The following ABHD12 variants were observed in gnomAD, a reference collection of about 807,000 sequenced individuals.
The protein encoded by ABHD12 is abhydrolase domain containing 12, lysophospholipase.
In ABHD12, 43 loss-of-function variants were observed where a neutral mutation model predicts 58.3. The observed-to-expected ratio is 0.74, with a 90% CI of 0.58 to 0.95. The LOEUF (loss-of-function observed/expected upper bound fraction) is 0.95. Among genes scored for constraint, ABHD12 ranks in the 40% least tolerant of loss-of-function variants. ABHD12 has a pLI of 0.00. For missense variants in ABHD12, 539 were observed against 537.2 expected, an observed-to-expected ratio of 1.00 and a Z score of -0.03; for synonymous variants, 219 against 211.2, an observed-to-expected ratio of 1.04 and a Z score of -0.32.
chr20:25,322,375 A>T (rs1250309105), intron 3 of ABHD12, among the ~76,000 whole-genome samples: 10 of 43,264 alleles, frequency 2.3e-4, no homozygotes, highest in South Asian at 1.1e-3. Context: ...ATATATATAT[A>T]TATATATTTT....
chr20:25,306,712 G>C, intron 10 of ABHD12, 121 bp downstream of exon 10: 1 of 733,470 alleles, frequency 1.4e-6, no homozygotes, highest in African/African-American at 1.8e-5. Flanking sequence ...CTGTTTGCTA[G>C]AGAATGACCC....
rs943834434 is a variant in ABHD12 at position 25,332,108 on chromosome 20, A to G, written c.316+7119T>C. ...TAGGTTCAAAATAAAAGGATGGAGG[A>G]AGATCTACCAAGCAAATGGAAAACA... is the stretch of plus-strand genomic sequence containing the variant. On this transcript the variant is annotated intron_variant, in intron 2 of 12. Transcript: ENST00000339157. Among the ~76,000 whole-genome samples the G allele has an allele frequency of 1.2e-3, 178 of 152,218 alleles. 1 individual carries two copies. Among genetic ancestry groups the G allele is most frequent in the African/African-American group, 4.1e-3 (170 of 41,514 alleles).
chr20:25,360,057 C>T (rs1428754896), intron 1 of ABHD12, among the ~76,000 whole-genome samples: 4 of 151,424 alleles, frequency 2.6e-5, no homozygotes, highest in Non-Finnish European at 4.4e-5. Flanking sequence ...CTCCTCTGTC[C>T]TTGAGAGTGG....
intron 1 of ABHD12, among the ~76,000 whole-genome samples, chr20:25,376,721 C>G (rs539968521): frequency 6.6e-6 from 1 of 152,182 alleles, no homozygotes; most frequent in Non-Finnish European, 1.5e-5. Context: ...CCCACAAGGA[C>G]TGGGATTTGT....
At chr20:25,341,008 T>C (rs2089447365) in intron 1 of ABHD12, among the ~76,000 whole-genome samples, 1 of 152,204 alleles carries the variant, frequency 6.6e-6, no homozygotes, top group South Asian at 2.1e-4. Context: ...ATAAAACTGA[T>C]GTAAATAAGT....
Position 25,309,437 on chromosome 20 carries a change from G to A in ABHD12, c.749+9C>T, listed in dbSNP as rs777785766. 3.1e-6 allele frequency: 5 copies of A among 1,614,026 alleles called. No individual in the cohort carries two copies. Among genetic ancestry groups the A allele is most frequent in the Middle Eastern group, 1.7e-4 (1 of 6,060 alleles). On this transcript the variant is annotated intron_variant, in intron 7 of 12. Transcript: ENST00000339157. Reference sequence around the variant, plus strand: ...CCACTAAAGGCTGCCTCCTGCTGGGGTCCCTTACCCAGTGCCCAGAGAGTG... The same window carrying A: ...CCACTAAAGGCTGCCTCCTGCTGGGATCCCTTACCCAGTGCCCAGAGAGTG...
chr20:25,342,036 T>G (rs910385944), intron 1 of ABHD12, among the ~76,000 whole-genome samples: 1 of 145,294 alleles, frequency 6.9e-6, no homozygotes, highest in African/African-American at 2.6e-5. Context: ...AAAGCCTATG[T>G]CCACAGAAAG....
chr20:25,347,611 G>A (rs972391971), intron 1 of ABHD12, among the ~76,000 whole-genome samples: 1 of 151,914 alleles, frequency 6.6e-6, no homozygotes, highest in Non-Finnish European at 1.5e-5. Flanking sequence ...GACGCCTTGA[G>A]CACCTTGAGT....
intron 1 of ABHD12, among the ~76,000 whole-genome samples, chr20:25,376,939 A>G (rs1307081825): frequency 6.6e-6 from 1 of 152,214 alleles, no homozygotes; most frequent in East Asian, 1.9e-4. Flanking sequence ...ATCAGAAAAA[A>G]AAATCAAACT....
intron 1 of ABHD12, among the ~76,000 whole-genome samples, chr20:25,357,420 C>T (rs2089682838): frequency 6.6e-6 from 1 of 152,168 alleles, no homozygotes; most frequent in Non-Finnish European, 1.5e-5. Flanking sequence ...GTTGTCAATA[C>T]TCTATCACCA....
chr20:25,296,659 G>A (rs2088551759), downstream of ABHD12: 2 of 1,191,180 alleles, frequency 1.7e-6, no homozygotes, highest in Non-Finnish European at 2.3e-6. Flanking sequence ...GGGCCATGGG[G>A]GTCAGGGTGG....
At chr20:25,327,732 A>T (rs534863885) in intron 2 of ABHD12, among the ~76,000 whole-genome samples, 1 of 152,268 alleles carries the variant, frequency 6.6e-6, no homozygotes, top group African/African-American at 2.4e-5. Context: ...ACAAGATTGG[A>T]AATTGTTGTG....
downstream of ABHD12, chr20:25,296,359 C>T (rs1335987483): frequency 1.2e-6 from 2 of 1,614,004 alleles, no homozygotes; most frequent in Non-Finnish European, 1.7e-6. Flanking sequence ...ATTTCATCTC[C>T]TTCCCTGCAG....
At chr20:25,312,813 C>G (rs1159704968) in intron 6 of ABHD12, among the ~76,000 whole-genome samples, 1 of 147,500 alleles carries the variant, frequency 6.8e-6, no homozygotes, top group South Asian at 2.2e-4. Context: ...ATGTGAGGAG[C>G]GCCTCTGCCC....
intron 1 of ABHD12, among the ~76,000 whole-genome samples, chr20:25,381,338 C>T (rs999862194): frequency 5.9e-5 from 9 of 152,162 alleles, no homozygotes; most frequent in Admixed American, 3.9e-4. Flanking sequence ...GTTTTATCTG[C>T]CTCCCCTACC....
At position 25,332,249 on chromosome 20, in the gene ABHD12, G is replaced by A. The variant is rs1467529232; in HGVS notation, c.316+6978C>T. Among the ~76,000 whole-genome samples the A allele has an allele frequency of 6.6e-5, 10 of 151,516 alleles. No homozygotes were observed. In the South Asian group the frequency reaches 1.9e-3, roughly 29 times the overall value. On this transcript the variant is annotated intron_variant, in intron 2 of 12. Coordinates refer to ENST00000339157, the MANE Select transcript of ABHD12 (RefSeq NM_001042472.3). ...GGTAAAGGGATCAATTCAACAAGAA[G>A]AGCTAACTATCCTAAATATATATGC...
intron 1 of ABHD12, among the ~76,000 whole-genome samples, chr20:25,382,937 TG>T (rs537541551): frequency 0.011 from 1,690 of 151,738 alleles, 31 homozygotes; most frequent in African/African-American, 0.036. Context: ...CAGTACCAGT[TG>T]AGGGGGGGGG....
chr20:25,295,104 C>G, intron 12 of ABHD12: 2 of 1,430,932 alleles, frequency 1.4e-6, no homozygotes, highest in Non-Finnish European at 2.0e-6. Context: ...CGATAGTGAA[C>G]AGAAATGCAT....
At chr20:25,327,282 C>T (rs186217550) in intron 2 of ABHD12, among the ~76,000 whole-genome samples, 78 of 152,296 alleles carry the variant, frequency 5.1e-4, no homozygotes, top group African/African-American at 1.8e-3. Flanking sequence ...GCCTGGCCAA[C>T]ATAGTGAAAC....
Sources: allele counts gnomAD v4.1 joint callset (sites outside exome capture counted in the v4.1 genomes callset), GRCh38; gene constraint gnomAD v4.1.1; transcripts MANE v1.5; gene names NCBI Gene and HGNC (gene_info 2026-07-23, HGNC 2026-07-21).